Variants in COA8 observed in about 807,000 individuals in gnomAD.
The protein encoded by COA8 is cytochrome c oxidase assembly factor 8.
A neutral mutation model predicts 22.0 loss-of-function variants in COA8; 20 were observed. That is an observed-to-expected ratio of 0.91 (90% CI 0.64 to 1.32). The LOEUF (loss-of-function observed/expected upper bound fraction) is 1.32, where lower values mean the gene tolerates loss of function less well. COA8 is among the 40% of genes most tolerant of loss of function. The probability of loss-of-function intolerance (pLI) is 0.00; values close to 1 mark genes in which losing one functional copy is unlikely to be tolerated. For synonymous variants in COA8, 105 were observed against 79.9 expected (o/e 1.31, Z -1.68); for missense variants, 266 against 230.0 (o/e 1.16, Z -1.01).
chr14:103,590,280 C>T lies in COA8; in HGVS notation c.576C>T (p.Ser192=), dbSNP rs2076341221. The T allele has an allele frequency of 1.2e-6, 2 of 1,613,544 alleles. No individual in the cohort carries two copies. The highest frequency in any genetic ancestry group is 2.7e-5 in the African/African-American group (2 of 74,930). ...TTAAACAGAAACAAAAGAAGAGGAG[C>T]AACTAGGAGTCCACTCTGACCCAGC... The part of the protein sequence containing the change: ...NKLKQKQKKR[S]N Residue 192 remains serine (S), a synonymous_variant, in exon 5 of 5, where the codon AGC becomes AGT. Transcript: ENST00000409074.
intron 1 of COA8, among the ~76,000 whole-genome samples, chr14:103,564,774 G>A (rs980011259): frequency 4.0e-5 from 6 of 151,898 alleles, no homozygotes; most frequent in East Asian, 1.9e-4. Context: ...TAGAGACAGG[G>A]TTTCACCTGT....
intron 3 of COA8, among the ~76,000 whole-genome samples, chr14:103,583,087 GA>G (rs545323083): frequency 8.9e-4 from 135 of 152,032 alleles, no homozygotes; most frequent in African/African-American, 3.1e-3. Context: ...GCACTTTGGA[GA>G]TTTTTTTAAT....
intron 3 of COA8, chr14:103,574,459 C>A: frequency 3.5e-6 from 2 of 577,800 alleles, no homozygotes; most frequent in East Asian, 8.0e-5. Flanking sequence ...TGCAGCTTCT[C>A]CCTCCAAAGC....
rs1455616827 is a variant in COA8, at chr14:103,588,608, C to T, written c.476+1244C>T. Among the ~76,000 whole-genome samples, 3 of 152,050 alleles carry T rather than the reference C, an allele frequency of 2.0e-5. No homozygotes were observed. In the East Asian group the frequency reaches 5.8e-4, roughly 29 times the overall value. The stretch of plus-strand genomic sequence containing the variant: ...CCTGTACTCCCAGCACTTTGGGAGG[C>T]CAAGGCAGATGGATTGCTTGAGCCC... On this transcript the variant is annotated intron_variant, in intron 4 of 4. Coordinates refer to ENST00000409074, the MANE Select transcript of COA8 (RefSeq NM_001370595.2).
At chr14:103,567,492 G>A (rs546703217) in intron 1 of COA8, 4 of 151,808 alleles carry the variant, frequency 2.6e-5, no homozygotes, top group East Asian at 1.9e-4. Context: ...ATACCCTGCC[G>A]TGATGACTTG....
chr14:103,585,394 G>A (rs2076298459), intron 3 of COA8, among the ~76,000 whole-genome samples: 1 of 149,904 alleles, frequency 6.7e-6, no homozygotes. Context: ...CAGGAGAATT[G>A]CTTGAACCTG....
intron 1 of COA8, among the ~76,000 whole-genome samples, chr14:103,570,650 T>C (rs1406949405): frequency 2.0e-5 from 3 of 152,054 alleles, no homozygotes; most frequent in African/African-American, 7.2e-5. Context: ...GGAGAATCGC[T>C]TGAACCCGGG....
intron 1 of COA8, among the ~76,000 whole-genome samples, chr14:103,563,836 C>T (rs1250737136): frequency 6.6e-6 from 1 of 152,152 alleles, no homozygotes; most frequent in Non-Finnish European, 1.5e-5. Flanking sequence ...TTGGTTTAAA[C>T]AATAATTAAA....
intron 1 of COA8, among the ~76,000 whole-genome samples, chr14:103,569,094 G>A (rs2076160862): frequency 6.6e-6 from 1 of 152,150 alleles, no homozygotes; most frequent in Admixed American, 6.6e-5. Context: ...CCTCCCCGCA[G>A]ACATGAGGGC....
At chr14:103,587,641 G>T (rs2076319110) in intron 4 of COA8, among the ~76,000 whole-genome samples, 1 of 151,174 alleles carries the variant, frequency 6.6e-6, no homozygotes, top group Admixed American at 6.6e-5. Flanking sequence ...CCGAGTAGCT[G>T]GGACTACAGG....
intron 3 of COA8, among the ~76,000 whole-genome samples, chr14:103,584,203 A>G (rs1216403850): frequency 1.3e-5 from 2 of 152,154 alleles, no homozygotes; most frequent in Non-Finnish European, 2.9e-5. Flanking sequence ...CTGGCCTCCC[A>G]GCACCTCAAT....
At chr14:103,570,104 A>G (rs113637092) in intron 1 of COA8, among the ~76,000 whole-genome samples, 1 of 151,914 alleles carries the variant, frequency 6.6e-6, no homozygotes, top group Non-Finnish European at 1.5e-5. Context: ...TGATCCACCC[A>G]CCTCAGCCTC....
intron 2 of COA8, among the ~76,000 whole-genome samples, chr14:103,572,876 A>G (rs544477492): frequency 6.7e-6 from 1 of 149,706 alleles, no homozygotes; most frequent in Admixed American, 6.7e-5. Context: ...TCCACCTCCC[A>G]GGTTCAGGTG....
At chr14:103,578,541 G>C (rs549041638) in intron 3 of COA8, among the ~76,000 whole-genome samples, 2 of 152,268 alleles carry the variant, frequency 1.3e-5, no homozygotes, top group African/African-American at 4.8e-5. Flanking sequence ...CATCAAGATG[G>C]GTTTAGTTTA....
intron 3 of COA8, among the ~76,000 whole-genome samples, chr14:103,582,050 G>A (rs919170874): frequency 6.6e-6 from 1 of 152,214 alleles, no homozygotes; most frequent in Admixed American, 6.5e-5. Context: ...GGGAAAGGCA[G>A]TCTGCCGGGG....
chr14:103,563,643 G>A (rs1295658475), intron 1 of COA8, among the ~76,000 whole-genome samples: 11 of 152,212 alleles, frequency 7.2e-5, no homozygotes, highest in Admixed American at 7.2e-4. Flanking sequence ...TAGCAAGAAT[G>A]TCTGTGGCAA....
intron 3 of COA8, among the ~76,000 whole-genome samples, chr14:103,582,530 C>G (rs1049475008): frequency 1.3e-5 from 2 of 152,122 alleles, no homozygotes; most frequent in Admixed American, 6.6e-5. Flanking sequence ...GGCTGTTAAC[C>G]TAGGATGCAT....
At chr14:103,568,309 T>G (rs2076150382) in intron 1 of COA8, among the ~76,000 whole-genome samples, 1 of 152,074 alleles carries the variant, frequency 6.6e-6, no homozygotes, top group Non-Finnish European at 1.5e-5. Flanking sequence ...GGTGGAGTAC[T>G]CAGGAGCTTA....
At chr14:103,572,973 G>A (rs2076200179) in intron 2 of COA8, among the ~76,000 whole-genome samples, 1 of 151,538 alleles carries the variant, frequency 6.6e-6, no homozygotes, top group African/African-American at 2.4e-5. Flanking sequence ...AGTGGAGATG[G>A]GATTTCACTC....
Sources: gnomAD v4.1 joint callset for allele counts (sites outside exome capture counted in the v4.1 genomes callset) on GRCh38, gnomAD v4.1.1 for gene constraint, MANE v1.5 for transcripts, NCBI Gene and HGNC (gene_info 2026-07-23, HGNC 2026-07-21) for gene names.